The following COL13A1 variants were observed in gnomAD, a reference collection of about 807,000 sequenced individuals.
COL13A1 encodes collagen type XIII alpha 1 chain.
A neutral mutation model predicts 130.9 loss-of-function variants in COL13A1; 89 were observed. The observed-to-expected ratio is 0.68, with a 90% CI of 0.57 to 0.81. COL13A1 has a LOEUF of 0.81. Ranked by LOEUF, COL13A1 falls within the 30% of genes least tolerant of loss-of-function variation. The pLI is 0.00. For missense variants in COL13A1, 879 were observed against 934.6 expected, an observed-to-expected ratio of 0.94 and a Z score of 0.78; for synonymous variants, 402 against 341.6, an observed-to-expected ratio of 1.18 and a Z score of -1.95.
intron 6 of COL13A1, among the ~76,000 whole-genome samples, chr10:69,878,907 C>T (rs566480980): frequency 3.4e-4 from 52 of 152,350 alleles, no homozygotes; most frequent in Middle Eastern, 3.4e-3. Context: ...CCAGACCTCC[C>T]GGTGCCCGGC....
intron 31 of COL13A1, among the ~76,000 whole-genome samples, chr10:69,932,931 G>A (rs530920090): frequency 3.9e-4 from 59 of 152,186 alleles, no homozygotes; most frequent in African/African-American, 1.4e-3. Context: ...GAGGTCGGGA[G>A]TTTGAGACCA....
At chr10:69,904,879 C>G in intron 15 of COL13A1, 54 bp from the exon 16 acceptor site, 1 of 1,534,396 alleles carries the variant, frequency 6.5e-7, no homozygotes, top group African/African-American at 1.4e-5. Context: ...CTAGCCCCAA[C>G]CAGCTCTACT....
At chr10:69,895,637 G>A in intron 13 of COL13A1, 61 bp downstream of exon 13, 1 of 1,581,006 alleles carries the variant, frequency 6.3e-7, no homozygotes, top group Non-Finnish European at 8.7e-7. Flanking sequence ...ACAGCGCCCA[G>A]CTCAGCCTCA....
In COL13A1 at chr10:69,929,997, C is replaced by A. The variant is rs779934812; in HGVS notation, c.1486-46C>A. On this transcript the variant is annotated intron_variant, in intron 28 of 40. Coordinates refer to ENST00000645393, the MANE Select transcript of COL13A1 (RefSeq NM_001368882.1). Reference sequence around the variant, plus strand: ...CTAAGCAATGCGTAACTGATGGCTGCTATGTTCTCTGCCCTGAGAGTCACC... The same window carrying A: ...CTAAGCAATGCGTAACTGATGGCTGATATGTTCTCTGCCCTGAGAGTCACC... 1.9e-6 allele frequency: 3 copies of A among 1,571,874 alleles called. No individual in the cohort carries two copies. In the South Asian group the frequency reaches 3.3e-5, roughly 17 times the overall value.
intron 7 of COL13A1, among the ~76,000 whole-genome samples, chr10:69,881,338 C>T (rs993602004): frequency 3.3e-5 from 5 of 151,954 alleles, no homozygotes; most frequent in African/African-American, 1.2e-4. Flanking sequence ...GGATTAGAAC[C>T]GAGGAGCCCC....
intron 2 of COL13A1, among the ~76,000 whole-genome samples, chr10:69,860,417 C>T (rs530371188): frequency 2.6e-5 from 4 of 152,298 alleles, no homozygotes; most frequent in East Asian, 1.9e-4. Context: ...CCCCTCATAC[C>T]GCACTGAGCC....
intron 2 of COL13A1, among the ~76,000 whole-genome samples, chr10:69,835,287 C>T (rs1213121872): frequency 1.3e-5 from 2 of 152,140 alleles, no homozygotes; most frequent in African/African-American, 2.4e-5. Flanking sequence ...AGGAAAGGAG[C>T]AGCAAGTGGG....
intron 17 of COL13A1, among the ~76,000 whole-genome samples, chr10:69,911,892 CTAT>C (rs1241385486): frequency 6.6e-6 from 1 of 152,224 alleles, no homozygotes; most frequent in Non-Finnish European, 1.5e-5. Context: ...TCCACGACAG[CTAT>C]TCCTGAAACC....
At chr10:69,841,963 T>C (rs2133260755) in intron 2 of COL13A1, among the ~76,000 whole-genome samples, 1 of 152,264 alleles carries the variant, frequency 6.6e-6, no homozygotes, top group Admixed American at 6.5e-5. Flanking sequence ...TTCATCTTTA[T>C]CCTAAGAGCA....
At position 69,822,388 on chromosome 10, in the gene COL13A1, G is replaced by A; in HGVS notation, c.314G>A (p.Arg105Lys). The change falls in exon 2 of 41, where the codon AGG becomes AAG. Residue 105 changes from arginine to lysine, a missense_variant. By Grantham distance (26) the Arg-to-Lys change is conservative. Transcript: ENST00000645393. ...GTACAGAAATGGAAGCTCCACTCAA[G>A]GAGGCGCCGGGAGGCCCCAAAGACA... Reference protein sequence around the residue: ...LLDEKWKLHSRRRREAPKTSP... With the variant: ...LLDEKWKLHSKRRREAPKTSP... 1 of 1,590,174 alleles carries A rather than the reference G, an allele frequency of 6.3e-7. No homozygotes were observed.
chr10:69,811,944 A>T (rs1196188406), intron 1 of COL13A1, among the ~76,000 whole-genome samples: 10 of 152,000 alleles, frequency 6.6e-5, no homozygotes, highest in Admixed American at 4.6e-4. Flanking sequence ...ACACCTTCTC[A>T]GCCTCTGCAG....
chr10:69,943,197 CT>C (rs149943009), intron 35 of COL13A1, among the ~76,000 whole-genome samples: 2,667 of 152,318 alleles, frequency 0.018, 44 homozygotes, highest in South Asian at 0.07. Flanking sequence ...CCTTCCTTCC[CT>C]CCTTGTGGTT....
chr10:69,831,577 A>C (rs1429332925), intron 2 of COL13A1, among the ~76,000 whole-genome samples: 1 of 152,168 alleles, frequency 6.6e-6, no homozygotes, highest in Non-Finnish European at 1.5e-5. Context: ...GAAAATGAAG[A>C]TGTTGGTGCT....
intron 17 of COL13A1, among the ~76,000 whole-genome samples, chr10:69,909,546 T>G (rs2063145248): frequency 6.6e-6 from 1 of 152,234 alleles, no homozygotes; most frequent in Admixed American, 6.5e-5. Flanking sequence ...TTTACTCTGC[T>G]GGGACCCTTA....
At chr10:69,894,000 G>A (rs564888894) in intron 10 of COL13A1, among the ~76,000 whole-genome samples, 1 of 152,338 alleles carries the variant, frequency 6.6e-6, no homozygotes, top group East Asian at 1.9e-4. Flanking sequence ...AGACAACCTT[G>A]AAGGAAACTT....
chr10:69,858,115 C>CAAAACAA (rs1856965794), intron 2 of COL13A1, among the ~76,000 whole-genome samples: 1 of 80,384 alleles, frequency 1.2e-5, no homozygotes, highest in Non-Finnish European at 2.2e-5. Context: ...GACTCCGTCT[C>CAAAACAA]AAAAAAAAAA....
Position 69,932,563 on chromosome 10 carries a change from G to C in COL13A1, c.1687G>C (p.Glu563Gln). 1.2e-6 allele frequency: 2 copies of C among 1,611,594 alleles called. No homozygotes were observed. Among genetic ancestry groups the C allele is most frequent in the Non-Finnish European group, 1.7e-6 (2 of 1,177,954 alleles). ...GETGQAGSPG[E>Q]KGEAGEKGNP... ...CAGTGGTGTTTTGTGCCCACAGGGA[G>C]AGAAAGGAGAAGCCGGGGAGAAGGG... The change falls in exon 31 of 41, where the codon GAG (glutamate) becomes CAG (glutamine). Residue 563 changes from glutamate (E) to glutamine (Q), a missense_variant. By Grantham distance (29) the Glu-to-Gln change is conservative (BLOSUM62 2). Coordinates refer to ENST00000645393, the MANE Select transcript of COL13A1 (RefSeq NM_001368882.1).
intron 10 of COL13A1, among the ~76,000 whole-genome samples, chr10:69,890,156 C>A (rs865929326): frequency 3.3e-5 from 5 of 152,060 alleles, no homozygotes; most frequent in African/African-American, 1.2e-4. Flanking sequence ...TTCTCCTGGC[C>A]CCTACCTTCT....
intron 1 of COL13A1, among the ~76,000 whole-genome samples, chr10:69,804,510 A>G (rs1564705061): frequency 6.6e-6 from 1 of 152,042 alleles, no homozygotes; most frequent in Non-Finnish European, 1.5e-5. Context: ...CTAGATATGA[A>G]AGTTATCCCA....
Sources: allele counts gnomAD v4.1 joint callset (sites outside exome capture counted in the v4.1 genomes callset), GRCh38; gene constraint gnomAD v4.1.1; transcripts MANE v1.5; gene names NCBI Gene and HGNC (gene_info 2026-07-23, HGNC 2026-07-21).